Variants in HECTD2 observed in about 807,000 individuals in gnomAD.
The protein encoded by HECTD2 is probable E3 ubiquitin-protein ligase HECTD2.
In HECTD2, 35 loss-of-function variants were observed where a neutral mutation model predicts 103.2. The observed-to-expected ratio is 0.34, with a 90% CI of 0.26 to 0.45. The LOEUF (loss-of-function observed/expected upper bound fraction) is 0.45. Among genes scored for constraint, HECTD2 ranks in the 20% least tolerant of loss-of-function variants. HECTD2 has a pLI of 1.00. For missense variants in HECTD2, 596 were observed against 937.4 expected (o/e 0.64, Z 4.76); for synonymous variants, 281 against 329.9 (o/e 0.85, Z 1.61).
Position 91,493,406 on chromosome 10 carries a change from G to A in HECTD2, c.1433-14G>A, listed in dbSNP as rs533738090. 2.0e-5 allele frequency: 28 copies of A among 1,409,472 alleles called. No homozygotes were observed. Among genetic ancestry groups the A allele is most frequent in the African/African-American group, 7.4e-5 (5 of 67,572 alleles). The allele number at this position is 1,409,472 out of a possible 1,614,324, so 87.3% of individuals were successfully genotyped here. A position where few individuals can be genotyped will look rare whatever the true frequency, so the allele number is the denominator to read the frequency against. ...AATCATGTTAATAATAACATTATTC[G>A]TGTGTTTTTTTAGGCATGTTTACAT... On this transcript the variant is annotated splice_polypyrimidine_tract_variant and intron_variant, in intron 13 of 20. Transcript: ENST00000298068.
intron 2 of HECTD2, among the ~76,000 whole-genome samples, chr10:91,435,805 T>C (rs538547917): frequency 6.6e-6 from 1 of 152,172 alleles, no homozygotes; most frequent in African/African-American, 2.4e-5. Flanking sequence ...ATTATTTTGT[T>C]GATGATTTTC....
chr10:91,506,695 A>G (rs1847194607), intron 20 of HECTD2, among the ~76,000 whole-genome samples: 1 of 152,014 alleles, frequency 6.6e-6, no homozygotes. Context: ...TACCAGAGGT[A>G]CAAGGAGGAA....
chr10:91,466,048 A>C (rs1194624766), intron 5 of HECTD2, among the ~76,000 whole-genome samples: 1 of 152,156 alleles, frequency 6.6e-6, no homozygotes, highest in Non-Finnish European at 1.5e-5. Context: ...TTTACCATTA[A>C]AGCCATCTGG....
At chr10:91,502,178 G>A in intron 20 of HECTD2, among the ~76,000 whole-genome samples, 1 of 152,112 alleles carries the variant, frequency 6.6e-6, no homozygotes, top group East Asian at 1.9e-4. Context: ...AGAATCCAGA[G>A]ACTGTAAAAT....
intron 1 of HECTD2, among the ~76,000 whole-genome samples, chr10:91,416,771 T>C (rs1297158525): frequency 1.3e-5 from 2 of 152,182 alleles, no homozygotes; most frequent in East Asian, 3.8e-4. Context: ...CAGCCTTCTA[T>C]ATCAAGCCTC....
At chr10:91,444,545 G>A (rs1375011543) in intron 2 of HECTD2, among the ~76,000 whole-genome samples, 1 of 152,128 alleles carries the variant, frequency 6.6e-6, no homozygotes, top group African/African-American at 2.4e-5. Context: ...TCAGATTAGT[G>A]AATGAAAACC....
intron 20 of HECTD2, among the ~76,000 whole-genome samples, chr10:91,507,842 G>A (rs1254597267): frequency 3.2e-5 from 4 of 123,764 alleles, no homozygotes; most frequent in Non-Finnish European, 6.3e-5. Context: ...GAACAAAGCT[G>A]GAGGCATCAC....
intron 11 of HECTD2, 152 bp from the exon 12 acceptor site, chr10:91,491,048 C>T: frequency 2.3e-6 from 1 of 427,354 alleles, no homozygotes; most frequent in Non-Finnish European, 4.2e-6. Flanking sequence ...GCCATTTTCA[C>T]AAATCAAAAT....
At chr10:91,440,255 T>C (rs534676221) in intron 2 of HECTD2, among the ~76,000 whole-genome samples, 2 of 152,274 alleles carry the variant, frequency 1.3e-5, no homozygotes, top group South Asian at 2.1e-4. Flanking sequence ...ATCCCATCAA[T>C]ACCTAGTTTA....
At chr10:91,471,136 C>A (rs1459905168) in intron 5 of HECTD2, among the ~76,000 whole-genome samples, 1 of 152,122 alleles carries the variant, frequency 6.6e-6, no homozygotes, top group Non-Finnish European at 1.5e-5. Flanking sequence ...GATCAAGTAA[C>A]CATTATCCCT....
intron 18 of HECTD2, among the ~76,000 whole-genome samples, chr10:91,499,531 G>T (rs1482612549): frequency 6.6e-6 from 1 of 152,160 alleles, no homozygotes; most frequent in Non-Finnish European, 1.5e-5. Flanking sequence ...ATGTATAGCT[G>T]CTTCCTGCTA....
intron 2 of HECTD2, among the ~76,000 whole-genome samples, chr10:91,427,329 A>C (rs1843611826): frequency 6.6e-6 from 1 of 151,926 alleles, no homozygotes; most frequent in Non-Finnish European, 1.5e-5. Context: ...ATGTGTCTTT[A>C]TAGCAGCATG....
At chr10:91,434,554 C>T (rs867719309) in intron 2 of HECTD2, among the ~76,000 whole-genome samples, 4 of 151,888 alleles carry the variant, frequency 2.6e-5, no homozygotes, top group Admixed American at 6.6e-5. Flanking sequence ...TTTACACCTA[C>T]GTTTTATTAT....
chr10:91,512,180 T>C, intron 20 of HECTD2, 84 bp from the exon 21 acceptor site: 1 of 1,376,418 alleles, frequency 7.3e-7, no homozygotes, highest in Non-Finnish European at 1.0e-6. Flanking sequence ...TGAATGTGTG[T>C]GTCCTGGTAT....
chr10:91,503,535 G>A (rs1403716861), intron 20 of HECTD2, among the ~76,000 whole-genome samples: 1 of 152,166 alleles, frequency 6.6e-6, no homozygotes, highest in East Asian at 1.9e-4. Flanking sequence ...CTGGAAAATC[G>A]GGTCACTCCC....
chr10:91,417,729 T>C (rs1037382966), intron 1 of HECTD2, among the ~76,000 whole-genome samples: 2 of 152,070 alleles, frequency 1.3e-5, no homozygotes, highest in Admixed American at 6.5e-5. Context: ...TATTCCATGG[T>C]GTATATGTGC....
At chr10:91,427,468 C>T (rs1024273848) in intron 2 of HECTD2, among the ~76,000 whole-genome samples, 2 of 152,164 alleles carry the variant, frequency 1.3e-5, no homozygotes, top group Admixed American at 1.3e-4. Context: ...GTCCCACCAA[C>T]AGTGTAAGAG....
In HECTD2 at chr10:91,413,292, C is replaced by T. The variant is rs533919138; in HGVS notation, c.138+2716C>T. 2.8e-3 allele frequency among the ~76,000 whole-genome samples: 419 copies of T among 152,188 alleles called. 2 individuals are homozygous for T. Among genetic ancestry groups the T allele is most frequent in the African/African-American group, 9.7e-3 (404 of 41,512 alleles). On this transcript the variant is annotated intron_variant, in intron 1 of 20. Transcript: ENST00000298068. ...AGAAAGAATGCTGGAAAGGGCAGCC[C>T]TGAAGTGTTTTATCCTAAGACCATC...
intron 11 of HECTD2, chr10:91,488,914 G>C (rs754045734): frequency 2.6e-5 from 4 of 152,014 alleles, no homozygotes; most frequent in African/African-American, 7.2e-5. Context: ...CTTGATCTTG[G>C]GTAGATATTG....
Sources: gnomAD v4.1 joint callset for allele counts (sites outside exome capture counted in the v4.1 genomes callset) on GRCh38, gnomAD v4.1.1 for gene constraint, MANE v1.5 for transcripts, NCBI Gene and HGNC (gene_info 2026-07-23, HGNC 2026-07-21) for gene names.